LZTR1: variants seen among roughly 807,000 people sequenced by gnomAD.
LZTR1 encodes the protein leucine-zipper-like transcriptional regulator 1.
LZTR1 carries 260 observed loss-of-function variants against 105.7 expected under a neutral mutation model. The ratio of observed to expected loss-of-function variants is 2.46; its 90% CI spans 2.22 to 2.72. The LOEUF (loss-of-function observed/expected upper bound fraction) is 2.72, where lower values mean the gene tolerates loss of function less well. Ranked by LOEUF, LZTR1 falls within the 30% of genes most tolerant of loss-of-function variation. The pLI is 0.00. For synonymous variants in LZTR1, 490 were observed against 476.4 expected, an observed-to-expected ratio of 1.03 and a Z score of -0.37; for missense variants, 1,214 against 1,166.9, an observed-to-expected ratio of 1.04 and a Z score of -0.59.
intron 8 of LZTR1, 37 bp from the exon 9 acceptor site, chr22:20,991,591 C>A: frequency 6.7e-7 from 1 of 1,486,650 alleles, no homozygotes. Flanking sequence ...AGCAGGAGCC[C>A]CTGTCCCAGC....
rs869320686 is a variant in LZTR1, at chr22:20,990,476, G to A, written c.742G>A (p.Gly248Arg). ...DKMFVFSGQSGAKITNNLFQF... is the reference protein window; with the variant it reads ...DKMFVFSGQSRAKITNNLFQF... Reference sequence around the variant, plus strand: ...GATGTTTGTATTCTCTGGGCAAAGCGGAGCCAAAATAACCAACAACCTCTT... The same window carrying A: ...GATGTTTGTATTCTCTGGGCAAAGCAGAGCCAAAATAACCAACAACCTCTT... Residue 248 changes from glycine (G) to arginine (R), a missense_variant, in exon 8 of 21, where the codon GGA becomes AGA. Coordinates refer to ENST00000646124, the MANE Select transcript of LZTR1 (RefSeq NM_006767.4). 3.7e-6 allele frequency: 6 copies of A among 1,613,904 alleles called. No homozygotes were observed. Among genetic ancestry groups the A allele is most frequent in the Admixed American group, 1.7e-5 (1 of 59,990 alleles).
intron 11 of LZTR1, chr22:20,993,395 C>G: frequency 1.8e-6 from 1 of 564,838 alleles, no homozygotes; most frequent in Non-Finnish European, 3.2e-6. Flanking sequence ...TCTGCTGAGG[C>G]CTGGGGCCCA....
In LZTR1 at chr22:20,996,717, C is replaced by A. The variant is rs756466043; in HGVS notation, c.2241C>A (p.Tyr747Ter). The change falls in exon 19 of 21, where the codon TAC becomes TAA. Residue 747 changes from tyrosine to a stop codon, truncating the protein, a stop_gained. Transcript: ENST00000646124. LOFTEE classifies it high-confidence loss of function. ...CCAGCTACTTGTTTGCGGCCCCCTA[C>A]TACTACGGCTTCTACAACAACCGGC... Reference protein sequence around the residue: ...EDSLYLFAAPYYYGFYNNRLQ... With the variant: ...EDSLYLFAAP 3 of 1,613,668 alleles carry A rather than the reference C, an allele frequency of 1.9e-6. No individual in the cohort carries two copies. Among genetic ancestry groups the A allele is most frequent in the African/African-American group, 1.3e-5 (1 of 75,018 alleles).
At chr22:20,983,355 G>T (rs551463549) in intron 2 of LZTR1, among the ~76,000 whole-genome samples, 1 of 152,342 alleles carries the variant, frequency 6.6e-6, no homozygotes, top group East Asian at 1.9e-4. Context: ...AGTAGATGCA[G>T]CCTTGAAAGA....
At chr22:20,995,470 G>C (rs1273220768) in intron 16 of LZTR1, 1 of 659,350 alleles carries the variant, frequency 1.5e-6, no homozygotes, top group African/African-American at 1.8e-5. Context: ...GGCCTGGAGG[G>C]GGCTTGATCA....
In LZTR1 at chr22:20,994,731, T is replaced by G. The variant is rs1924762620; in HGVS notation, c.1785+4T>G. 1.9e-6 allele frequency: 3 copies of G among 1,610,704 alleles called. No homozygotes were observed. ...GCTGCAGCTGAGCCAACTCAAGGTG[T>G]GGGGTGGGGTCAGCGCAATCAGGGT... On this transcript the variant is annotated splice_donor_region_variant and intron_variant, in intron 15 of 20. Coordinates refer to ENST00000646124, the MANE Select transcript of LZTR1 (RefSeq NM_006767.4).
chr22:20,984,133 C>T (rs1165567362), intron 2 of LZTR1, among the ~76,000 whole-genome samples: 1 of 152,220 alleles, frequency 6.6e-6, no homozygotes, highest in Non-Finnish European at 1.5e-5. Flanking sequence ...CTTACTTGGC[C>T]ATCTGGACCA....
Position 20,994,584 on chromosome 22 carries a change from A to ATGGATG in LZTR1, c.1645_1650dup (p.Asp549_Val550dup). The stretch of plus-strand genomic sequence containing the variant: ...CCATGTGGAGGATGTGCTGCTCATC[A>ATGGATG]TGGATGTGTACAAACTGGCACTGAG... On this transcript the variant is annotated inframe_insertion, in exon 15 of 21. Coordinates refer to ENST00000646124, the MANE Select transcript of LZTR1 (RefSeq NM_006767.4). 6.2e-7 allele frequency: 1 copy of ATGGATG among 1,611,786 alleles called. No homozygotes were observed. Among genetic ancestry groups the ATGGATG allele is most frequent in the Non-Finnish European group, 8.5e-7 (1 of 1,179,962 alleles).
At chr22:20,982,644 G>A (rs906022404) in intron 1 of LZTR1, 73 bp downstream of exon 1, 3 of 1,448,536 alleles carry the variant, frequency 2.1e-6, no homozygotes, top group African/African-American at 2.8e-5. Context: ...GTCCAGGGGC[G>A]AAGCCGGGGG....
intron 3 of LZTR1, chr22:20,986,482 A>G (rs1924390845): frequency 6.6e-6 from 1 of 152,554 alleles, no homozygotes; most frequent in African/African-American, 2.4e-5. Flanking sequence ...GGTAGATTAG[A>G]CAGATAGATG....
In LZTR1 at chr22:20,989,670, C is replaced by A. The variant is rs765335975; in HGVS notation, c.639C>A (p.Thr213=). The part of the protein sequence containing the change: ...WTIGLQDREL[T]CWEEVAQSGE... ...TTGGCCTCCAGGACCGAGAGCTCAC[C>A]TGCTGGGAGGAGGTGAGGGGCGTGG... The change falls in exon 7 of 21, where the codon ACC becomes ACA. Residue 213 remains threonine (T), a synonymous_variant. Transcript: ENST00000646124. The A allele has an allele frequency of 6.2e-7, 1 of 1,611,602 alleles. No homozygotes were observed. Among genetic ancestry groups the A allele is most frequent in the Non-Finnish European group, 8.5e-7 (1 of 1,179,456 alleles).
chr22:20,994,122 G>A lies in LZTR1; in HGVS notation c.1468G>A (p.Ala490Thr), dbSNP rs1329226132. The change falls in exon 14 of 21, where the codon GCC becomes ACC. Residue 490 changes from alanine to threonine, a missense_variant. Coordinates refer to ENST00000646124, the MANE Select transcript of LZTR1 (RefSeq NM_006767.4). ...RLAQKLEQEAAPVPREAPGVA... is the reference protein window; with the variant it reads ...RLAQKLEQEATPVPREAPGVA... ...CCCACAGAAGCTGGAGCAGGAGGCC[G>A]CCCCAGTTCCCAGGGAGGCCCCCGG... 7 of 1,582,192 alleles carry A rather than the reference G, an allele frequency of 4.4e-6. No individual in the cohort carries two copies. In the South Asian group the frequency reaches 4.5e-5, roughly 10 times the overall value.
chr22:20,983,000 T>TA, intron 1 of LZTR1, 27 bp from the exon 2 acceptor site: 1 of 1,610,244 alleles, frequency 6.2e-7, no homozygotes, highest in South Asian at 1.1e-5. Flanking sequence ...GTCCTGTCCT[T>TA]ACCGCCCTCC....
chr22:20,994,569 G>A lies in LZTR1; in HGVS notation c.1627G>A (p.Asp543Asn). 2 of 1,610,598 alleles carry A rather than the reference G, an allele frequency of 1.2e-6. No homozygotes were observed. Among genetic ancestry groups the A allele is most frequent in the Non-Finnish European group, 1.7e-6 (2 of 1,179,892 alleles). Reference sequence around the variant, plus strand: ...GCTCTGGGGCGCAGGCCATGTGGAGGATGTGCTGCTCATCATGGATGTGTA... The same window carrying A: ...GCTCTGGGGCGCAGGCCATGTGGAGAATGTGCTGCTCATCATGGATGTGTA... ...IKYPRKGHVE[D>N]VLLIMDVYKL... The change falls in exon 15 of 21, where the codon GAT (aspartate) becomes AAT (asparagine). Residue 543 changes from aspartate (D) to asparagine (N), a missense_variant. Asp to Asn is a conservative substitution (Grantham distance 23, BLOSUM62 1). Coordinates refer to ENST00000646124, the MANE Select transcript of LZTR1 (RefSeq NM_006767.4).
chr22:20,992,012 C>T (rs965828486), intron 9 of LZTR1, among the ~76,000 whole-genome samples, 183 bp downstream of exon 9: 2 of 152,232 alleles, frequency 1.3e-5, no homozygotes, highest in African/African-American at 4.8e-5. Flanking sequence ...AGCTTCACCC[C>T]ACAGCCTGCA....
chr22:20,990,586 T>A, intron 8 of LZTR1, 61 bp downstream of exon 8: 1 of 1,520,170 alleles, frequency 6.6e-7, no homozygotes, highest in Non-Finnish European at 8.9e-7. Flanking sequence ...TCCTTCTGAA[T>A]ATGAAGAACG....
chr22:20,990,775 C>T (rs750190598), intron 8 of LZTR1: 14 of 465,156 alleles, frequency 3.0e-5, no homozygotes, highest in Middle Eastern at 5.9e-4. Context: ...ACGTGAAGGA[C>T]GTCCCCTTCC....
chr22:20,990,470 C>T lies in LZTR1; in HGVS notation c.736C>T (p.Gln246Ter), dbSNP rs768702304. Residue 246 changes from glutamine to a stop codon, truncating the protein, a stop_gained, in exon 8 of 21, where the codon CAA (glutamine) becomes TAA (stop). Transcript: ENST00000646124. LOFTEE classifies it high-confidence loss of function. ...CRDKMFVFSG[Q>*]SGAKITNNLF... ...GGACAAGATGTTTGTATTCTCTGGG[C>T]AAAGCGGAGCCAAAATAACCAACAA... 1 of 1,613,974 alleles carries T rather than the reference C, an allele frequency of 6.2e-7. No individual in the cohort carries two copies. Among genetic ancestry groups the T allele is most frequent in the Non-Finnish European group, 8.5e-7 (1 of 1,179,978 alleles).
chr22:20,990,729 C>T (rs886702332), intron 8 of LZTR1: 2 of 569,116 alleles, frequency 3.5e-6, no homozygotes, highest in East Asian at 3.2e-5. Flanking sequence ...CAAGATAAGG[C>T]CTGGCGAGGA....
Sources: gnomAD v4.1 joint callset for allele counts (sites outside exome capture counted in the v4.1 genomes callset) on GRCh38, gnomAD v4.1.1 for gene constraint, MANE v1.5 for transcripts, NCBI Gene and HGNC (gene_info 2026-07-23, HGNC 2026-07-21) for gene names.